The following EPHA6 variants were observed in gnomAD, a reference collection of about 807,000 sequenced individuals.
EPHA6 encodes the protein EPH receptor A6, also known as ephrin type-A receptor 6.
A neutral mutation model predicts 112.0 loss-of-function variants in EPHA6; 50 were observed. The observed-to-expected ratio is 0.45, with a 90% CI of 0.36 to 0.56. EPHA6 has a LOEUF of 0.56. Among genes scored for constraint, EPHA6 ranks in the 20% least tolerant of loss-of-function variants. The pLI is 0.00. For missense variants in EPHA6, 1,280 were observed against 1,417.4 expected (o/e 0.90, Z 1.56); for synonymous variants, 529 against 490.7 (o/e 1.08, Z -1.03).
chr3:97,588,238 A>G (rs777271250), intron 11 of EPHA6, among the ~76,000 whole-genome samples: 2 of 152,214 alleles, frequency 1.3e-5, no homozygotes, highest in Non-Finnish European at 2.9e-5. Context: ...AAACACTAGT[A>G]TGAAGTAAAC....
intron 3 of EPHA6, among the ~76,000 whole-genome samples, chr3:97,164,165 C>T (rs185045844): frequency 4.6e-5 from 7 of 152,286 alleles, no homozygotes; most frequent in Admixed American, 2.0e-4. Flanking sequence ...TACACTTTCA[C>T]TCAGATCCTT....
intron 11 of EPHA6, among the ~76,000 whole-genome samples, chr3:97,587,306 T>G (rs1318758263): frequency 6.6e-6 from 1 of 152,126 alleles, no homozygotes; most frequent in Non-Finnish European, 1.5e-5. Flanking sequence ...CTTCAAATTA[T>G]TGTTCATGTT....
chr3:96,875,494 T>C (rs2036891429), intron 2 of EPHA6, among the ~76,000 whole-genome samples: 1 of 152,116 alleles, frequency 6.6e-6, no homozygotes, highest in South Asian at 2.1e-4. Context: ...AAAGAGCATG[T>C]TTTGTAGAAT....
At chr3:97,121,141 A>G (rs1345310028) in intron 3 of EPHA6, among the ~76,000 whole-genome samples, 2 of 151,996 alleles carry the variant, frequency 1.3e-5, no homozygotes, top group African/African-American at 4.8e-5. Context: ...ACCTGTCAAT[A>G]CCACCCAAAC....
intron 3 of EPHA6, among the ~76,000 whole-genome samples, chr3:97,178,466 T>A (rs1333097582): frequency 2.0e-5 from 3 of 152,118 alleles, no homozygotes; most frequent in African/African-American, 7.2e-5. Flanking sequence ...CAGGTGACTA[T>A]TCATTGCTCA....
chr3:97,284,411 C>G (rs1326076442), intron 5 of EPHA6, among the ~76,000 whole-genome samples: 1 of 152,062 alleles, frequency 6.6e-6, no homozygotes, highest in African/African-American at 2.4e-5. Flanking sequence ...CGATCTTATT[C>G]TGAGAACATC....
chr3:97,722,749 G>T (rs1042458890), intron 15 of EPHA6, among the ~76,000 whole-genome samples: 1 of 151,914 alleles, frequency 6.6e-6, no homozygotes, highest in East Asian at 1.9e-4. Context: ...TATATATATT[G>T]CAAAATATAT....
At chr3:96,927,804 A>G (rs1489325505) in intron 2 of EPHA6, among the ~76,000 whole-genome samples, 1 of 152,146 alleles carries the variant, frequency 6.6e-6, no homozygotes, top group Non-Finnish European at 1.5e-5. Context: ...CACTCCGGGT[A>G]CCAATTTCCT....
chr3:97,598,808 A>G (rs902980088), intron 12 of EPHA6, among the ~76,000 whole-genome samples: 6 of 151,874 alleles, frequency 4.0e-5, no homozygotes, highest in African/African-American at 1.5e-4. Context: ...GTCAAATGGT[A>G]TTTCTAGTTC....
chr3:97,101,691 A>C (rs1434988579), intron 3 of EPHA6, among the ~76,000 whole-genome samples: 5 of 152,122 alleles, frequency 3.3e-5, no homozygotes, highest in African/African-American at 1.2e-4. Flanking sequence ...ATCTAAATAG[A>C]CATTTTACTT....
intron 7 of EPHA6, among the ~76,000 whole-genome samples, chr3:97,471,964 A>C (rs567673036): frequency 6.6e-6 from 1 of 151,672 alleles, no homozygotes; most frequent in Non-Finnish European, 1.5e-5. Flanking sequence ...CTGGTGTCTT[A>C]TTCTTTGGCT....
At chr3:97,146,480 T>C (rs988219776) in intron 3 of EPHA6, among the ~76,000 whole-genome samples, 2 of 151,766 alleles carry the variant, frequency 1.3e-5, no homozygotes, top group Non-Finnish European at 2.9e-5. Flanking sequence ...CTATTGGGCA[T>C]CTCTACATTA....
At chr3:96,850,755 T>C (rs2107368398) in intron 1 of EPHA6, among the ~76,000 whole-genome samples, 1 of 152,218 alleles carries the variant, frequency 6.6e-6, no homozygotes, top group East Asian at 1.9e-4. Flanking sequence ...AGCTAAATAG[T>C]CTAAATTTTT....
intron 3 of EPHA6, among the ~76,000 whole-genome samples, chr3:97,095,267 A>G (rs2047201027): frequency 6.6e-6 from 1 of 151,948 alleles, no homozygotes; most frequent in Non-Finnish European, 1.5e-5. Context: ...ACACTTGGAC[A>G]CAGGAAGGGG....
At chr3:97,329,107 G>T (rs2082638888) in intron 5 of EPHA6, among the ~76,000 whole-genome samples, 1 of 152,022 alleles carries the variant, frequency 6.6e-6, no homozygotes, top group South Asian at 2.1e-4. Context: ...GAGAATGATG[G>T]TTTCCAGCTT....
intron 12 of EPHA6, among the ~76,000 whole-genome samples, chr3:97,604,508 A>T (rs1218946638): frequency 2.0e-5 from 3 of 151,786 alleles, no homozygotes; most frequent in Admixed American, 6.6e-5. Flanking sequence ...CTATTTTTTT[A>T]AAACTTTTTG....
intron 3 of EPHA6, among the ~76,000 whole-genome samples, chr3:97,188,804 T>C (rs2077224413): frequency 6.6e-6 from 1 of 151,870 alleles, no homozygotes; most frequent in African/African-American, 2.4e-5. Flanking sequence ...GAATTAAACA[T>C]GAAATTATGT....
intron 5 of EPHA6, among the ~76,000 whole-genome samples, chr3:97,282,344 C>T (rs559941795): frequency 4.6e-5 from 7 of 152,068 alleles, no homozygotes; most frequent in Non-Finnish European, 7.4e-5. Context: ...CAACAGATGC[C>T]GGCGAGGCTG....
chr3:97,475,119 T>G (rs1440258868), intron 7 of EPHA6, among the ~76,000 whole-genome samples: 1 of 147,936 alleles, frequency 6.8e-6, no homozygotes, highest in Non-Finnish European at 1.5e-5. Context: ...TTATTGATCT[T>G]TTTTGAAGAA....
Sources: gnomAD v4.1 joint callset for allele counts (sites outside exome capture counted in the v4.1 genomes callset) on GRCh38, gnomAD v4.1.1 for gene constraint, MANE v1.5 for transcripts, NCBI Gene and HGNC (gene_info 2026-07-23, HGNC 2026-07-21) for gene names.